Variants in RNF180 observed in about 807,000 individuals in gnomAD.
The protein encoded by RNF180 is E3 ubiquitin-protein ligase RNF180.
In RNF180, 38 loss-of-function variants were observed where a neutral mutation model predicts 59.2. The observed-to-expected ratio is 0.64, with a 90% confidence interval of 0.50 to 0.84. The LOEUF is 0.84. RNF180 is among the 40% of genes least tolerant of loss of function. The pLI is 0.00. For missense variants in RNF180, 705 were observed against 700.9 expected (o/e 1.01, Z -0.07); for synonymous variants, 262 against 240.3 (o/e 1.09, Z -0.84).
chr5:64,354,724 A>G (rs1200784187), intron 7 of RNF180, among the ~76,000 whole-genome samples: 1 of 151,964 alleles, frequency 6.6e-6, no homozygotes, highest in Non-Finnish European at 1.5e-5. Context: ...TAGCATATTA[A>G]AAGGATTTTA....
chr5:64,233,210 C>T (rs1436665913), intron 5 of RNF180, among the ~76,000 whole-genome samples: 1 of 152,060 alleles, frequency 6.6e-6, no homozygotes, highest in Non-Finnish European at 1.5e-5. Context: ...GAAATGTTTA[C>T]AAAATGTTGA....
intron 5 of RNF180, among the ~76,000 whole-genome samples, chr5:64,243,143 A>C (rs1580092386): frequency 6.6e-6 from 1 of 152,204 alleles, no homozygotes. Flanking sequence ...CCTGGGTTTC[A>C]AGCACAAAAC....
At chr5:64,357,957 G>A (rs1746096880) in intron 7 of RNF180, among the ~76,000 whole-genome samples, 1 of 151,648 alleles carries the variant, frequency 6.6e-6, no homozygotes, top group South Asian at 2.1e-4. Context: ...TTTCTTCACG[G>A]GTCCTTCTTG....
At chr5:64,207,255 G>A (rs1752062670) in intron 2 of RNF180, among the ~76,000 whole-genome samples, 1 of 152,088 alleles carries the variant, frequency 6.6e-6, no homozygotes, top group African/African-American at 2.4e-5. Flanking sequence ...AAAAGGAAAA[G>A]TATAGGAAGC....
chr5:64,289,281 G>A (rs563228254), intron 5 of RNF180, among the ~76,000 whole-genome samples: 1 of 152,250 alleles, frequency 6.6e-6, no homozygotes, highest in South Asian at 2.1e-4. Flanking sequence ...TGTGCTGCTG[G>A]ATTCTGTTTG....
At chr5:64,201,450 T>A (rs1440182249) in intron 2 of RNF180, among the ~76,000 whole-genome samples, 2 of 152,202 alleles carry the variant, frequency 1.3e-5, no homozygotes, top group Non-Finnish European at 2.9e-5. Context: ...TGAGTGTTTT[T>A]AAACAACAAA....
chr5:64,317,324 A>G (rs983068223), intron 5 of RNF180, among the ~76,000 whole-genome samples: 1 of 152,140 alleles, frequency 6.6e-6, no homozygotes, highest in Admixed American at 6.6e-5. Context: ...AGTGTGCAAT[A>G]GTATTATGTG....
chr5:64,205,755 A>G (rs1298638077), intron 2 of RNF180, among the ~76,000 whole-genome samples: 6 of 152,108 alleles, frequency 3.9e-5, no homozygotes, highest in South Asian at 2.1e-4. Flanking sequence ...AGGAACATTT[A>G]TAGGATAGAC....
chr5:64,213,963 C>T lies in RNF180; in HGVS notation c.637C>T (p.Gln213Ter), dbSNP rs753416396. The T allele has an allele frequency of 6.2e-7, 1 of 1,614,030 alleles. No homozygotes were observed. Among genetic ancestry groups the T allele is most frequent in the South Asian group, 1.1e-5 (1 of 91,082 alleles). Residue 213 changes from glutamine (Q) to a stop codon, truncating the protein, a stop_gained, in exon 4 of 8, where the codon CAG becomes TAG. Transcript: ENST00000389100. LOFTEE classifies it high-confidence loss of function. ...SEPKYQLFVP[Q>*]LVTGRCATRA... Reference sequence around the variant, plus strand: ...ACCAAAATACCAGCTTTTTGTTCCCCAGCTTGTGACTGGCAGATGCGCTAC... The same window carrying T: ...ACCAAAATACCAGCTTTTTGTTCCCTAGCTTGTGACTGGCAGATGCGCTAC...
intron 5 of RNF180, among the ~76,000 whole-genome samples, chr5:64,234,620 G>T (rs1304356254): frequency 2.3e-4 from 7 of 30,452 alleles, no homozygotes; most frequent in African/African-American, 3.3e-4. Context: ...TTTTTTTTGA[G>T]AAGGAGTCTC....
chr5:64,325,102 G>T, intron 5 of RNF180, 84 bp from the exon 6 acceptor site: 1 of 803,520 alleles, frequency 1.2e-6, no homozygotes, highest in East Asian at 2.7e-5. Context: ...AAATATTTTT[G>T]TTCATTTTAA....
chr5:64,237,764 G>T (rs926975097), intron 5 of RNF180, among the ~76,000 whole-genome samples: 3 of 152,072 alleles, frequency 2.0e-5, no homozygotes, highest in Non-Finnish European at 4.4e-5. Flanking sequence ...TTTTGTGATA[G>T]TGAGTTCTCT....
In RNF180 at chr5:64,234,578, C is replaced by CTTTTTTTTTTTTTTTT. The variant is rs1171637074; in HGVS notation, c.1227+17206_1227+17221dup. Among the ~76,000 whole-genome samples, 8 of 48,524 alleles carry CTTTTTTTTTTTTTTTT rather than the reference C, an allele frequency of 1.6e-4. 4 individuals are homozygous for CTTTTTTTTTTTTTTTT. Among genetic ancestry groups the CTTTTTTTTTTTTTTTT allele is most frequent in the Non-Finnish European group, 2.3e-4 (6 of 26,118 alleles). 31.8% of individuals were successfully genotyped at this position (48,524 alleles called of 152,430 possible). On this transcript the variant is annotated intron_variant, in intron 5 of 7. Transcript: ENST00000389100. ...GCTTTCCAAATGGCAGTTACCCGTT[C>CTTTTTTTTTTTTTTTT]TTTTTTTTTTTTTTTTTTTTTTTTT...
intron 5 of RNF180, among the ~76,000 whole-genome samples, chr5:64,241,593 G>A (rs1265446024): frequency 3.3e-5 from 5 of 152,038 alleles, no homozygotes; most frequent in Non-Finnish European, 1.5e-5. Flanking sequence ...TTGGGAGGAG[G>A]GTATGCTCAG....
intron 7 of RNF180, among the ~76,000 whole-genome samples, chr5:64,342,703 G>T (rs1745402012): frequency 6.6e-6 from 1 of 152,112 alleles, no homozygotes; most frequent in South Asian, 2.1e-4. Context: ...ACAGCTTTCA[G>T]ATTAGAAGAG....
intron 5 of RNF180, among the ~76,000 whole-genome samples, chr5:64,247,329 G>C (rs980878871): frequency 1.3e-5 from 2 of 152,150 alleles, no homozygotes; most frequent in East Asian, 1.9e-4. Flanking sequence ...AATTGTCTCT[G>C]TTTGCAGATG....
At chr5:64,200,489 T>G (rs1751687457) in intron 1 of RNF180, among the ~76,000 whole-genome samples, 1 of 152,014 alleles carries the variant, frequency 6.6e-6, no homozygotes, top group Admixed American at 6.6e-5. Flanking sequence ...CTGCAGTAAC[T>G]TATTGAATTG....
intron 5 of RNF180, among the ~76,000 whole-genome samples, chr5:64,258,438 T>A (rs1045823540): frequency 1.3e-5 from 2 of 152,150 alleles, no homozygotes; most frequent in African/African-American, 4.8e-5. Context: ...AATAAAATGA[T>A]ATGATGCATT....
chr5:64,367,204 G>A (rs6870956), intron 7 of RNF180, among the ~76,000 whole-genome samples: 67,705 of 151,282 alleles, frequency 0.45, 16,503 homozygotes, highest in African/African-American at 0.65. Flanking sequence ...TGGCTCTGTA[G>A]GAAATGCTTA....
Sources: allele counts gnomAD v4.1 joint callset (sites outside exome capture counted in the v4.1 genomes callset), GRCh38; gene constraint gnomAD v4.1.1; transcripts MANE v1.5; gene names NCBI Gene and HGNC (gene_info 2026-07-23, HGNC 2026-07-21).